Variants in C12orf42 observed in about 807,000 individuals in gnomAD.
The protein encoded by C12orf42 is uncharacterized protein C12orf42.
C12orf42 carries 25 observed loss-of-function variants against 21.6 expected under a neutral mutation model. The ratio of observed to expected loss-of-function variants is 1.16; its 90% CI spans 0.84 to 1.62. The LOEUF is 1.62. Among genes scored for constraint, C12orf42 ranks in the 40% most tolerant of loss-of-function variants. The pLI is 0.00. For missense variants in C12orf42, 483 were observed against 459.3 expected (o/e 1.05, Z -0.47); for synonymous variants, 174 against 175.0 (o/e 0.99, Z 0.05).
chr12:103,314,751 C>T (rs73385693), intron 4 of C12orf42, among the ~76,000 whole-genome samples: 1,572 of 152,248 alleles, frequency 0.01, 22 homozygotes, highest in African/African-American at 0.032. Context: ...GGGAATCTTT[C>T]CCACTCCAGC....
At chr12:103,411,112 T>C (rs1283359266) in intron 2 of C12orf42, among the ~76,000 whole-genome samples, 1 of 152,200 alleles carries the variant, frequency 6.6e-6, no homozygotes, top group Admixed American at 6.5e-5. Flanking sequence ...GTTTCCATCC[T>C]CCCTTGTCCA....
intron 4 of C12orf42, among the ~76,000 whole-genome samples, chr12:103,347,258 T>C (rs2042708013): frequency 6.9e-6 from 1 of 144,740 alleles, no homozygotes; most frequent in South Asian, 2.4e-4. Context: ...CCTGTGTCCA[T>C]GTGTTCTCAT....
intron 4 of C12orf42, among the ~76,000 whole-genome samples, chr12:103,353,280 C>T (rs2043252179): frequency 6.8e-6 from 1 of 146,690 alleles, no homozygotes; most frequent in Admixed American, 6.8e-5. Flanking sequence ...TCATGGAGTT[C>T]CACTGGATTA....
intron 4 of C12orf42, among the ~76,000 whole-genome samples, chr12:103,354,303 C>T (rs1046200291): frequency 1.3e-4 from 20 of 152,114 alleles, no homozygotes; most frequent in African/African-American, 2.4e-4. Context: ...GGGAGAATTA[C>T]GGCTTCCAAG....
the C12orf42 span, among the ~76,000 whole-genome samples, chr12:103,509,021 G>T: frequency 1.4e-4 from 22 of 152,244 alleles, no homozygotes; most frequent in African/African-American, 5.3e-4. Context: ...TATACAAGAG[G>T]CAAACTGAGG....
At chr12:103,238,289 T>C (rs2033552017) in intron 10 of C12orf42, among the ~76,000 whole-genome samples, 1 of 152,106 alleles carries the variant, frequency 6.6e-6, no homozygotes, top group South Asian at 2.1e-4. Context: ...AGCTGAATAG[T>C]TGCAACACAG....
At chr12:103,283,982 G>A (rs1269808877) in intron 4 of C12orf42, among the ~76,000 whole-genome samples, 1 of 152,138 alleles carries the variant, frequency 6.6e-6, no homozygotes, top group Non-Finnish European at 1.5e-5. Context: ...TAGCATGAAA[G>A]CACTCTGTCA....
chr12:103,135,446 G>C, the C12orf42 span, among the ~76,000 whole-genome samples: 1 of 143,112 alleles, frequency 7.0e-6, no homozygotes, highest in Non-Finnish European at 1.5e-5. Context: ...AACAGAGTGA[G>C]ACACTATCTC....
chr12:103,537,308 T>C, the C12orf42 span, among the ~76,000 whole-genome samples: 3 of 150,946 alleles, frequency 2.0e-5, no homozygotes, highest in Non-Finnish European at 4.4e-5. Flanking sequence ...GCAAATCAGA[T>C]AGTTTGCGTT....
intron 4 of C12orf42, among the ~76,000 whole-genome samples, chr12:103,364,016 A>T (rs1162176557): frequency 6.6e-6 from 1 of 152,162 alleles, no homozygotes; most frequent in African/African-American, 2.4e-5. Flanking sequence ...TTTACAGAAC[A>T]TTCTACCCAA....
At chr12:103,281,931 G>GAAAGAAAGAAAC (rs1239571185) in intron 4 of C12orf42, among the ~76,000 whole-genome samples, 31 of 148,718 alleles carry the variant, frequency 2.1e-4, no homozygotes, top group Non-Finnish European at 3.3e-4. Flanking sequence ...AAGAAAGAAA[G>GAAAGAAAGAAAC]AAAGAAAGAA....
chr12:103,528,314 C>T, the C12orf42 span, among the ~76,000 whole-genome samples: 2 of 152,212 alleles, frequency 1.3e-5, no homozygotes, highest in African/African-American at 4.8e-5. Flanking sequence ...ATATAGCTTA[C>T]AAGTAGTACT....
the C12orf42 span, among the ~76,000 whole-genome samples, chr12:103,084,630 T>C: frequency 3.9e-5 from 6 of 152,220 alleles, no homozygotes; most frequent in African/African-American, 1.4e-4. Context: ...ATTCAGAATG[T>C]ATACCTAGTT....
the C12orf42 span, among the ~76,000 whole-genome samples, chr12:103,190,339 G>A: frequency 6.6e-6 from 1 of 152,090 alleles, no homozygotes; most frequent in Non-Finnish European, 1.5e-5. Flanking sequence ...TGATTGGATG[G>A]TGCCTACTCA....
the C12orf42 span, among the ~76,000 whole-genome samples, chr12:103,222,116 T>TC: frequency 2.6e-5 from 4 of 152,324 alleles, no homozygotes; most frequent in African/African-American, 7.2e-5. Context: ...ACCATGTTTT[T>TC]CATGCGCGTC....
At chr12:103,128,623 CA>C in the C12orf42 span, among the ~76,000 whole-genome samples, 2 of 152,134 alleles carry the variant, frequency 1.3e-5, no homozygotes, top group Non-Finnish European at 2.9e-5. Flanking sequence ...ATGGGAACAA[CA>C]GTACCTTGCA....
chr12:103,181,888 G>A, the C12orf42 span, among the ~76,000 whole-genome samples: 1 of 152,186 alleles, frequency 6.6e-6, no homozygotes, highest in East Asian at 1.9e-4. Flanking sequence ...CTGACTTTGG[G>A]AAATGCCGTA....
the C12orf42 span, among the ~76,000 whole-genome samples, chr12:103,171,349 T>C: frequency 1.8e-3 from 272 of 152,278 alleles, 2 homozygotes; most frequent in African/African-American, 6.1e-3. Context: ...GTCTGCCTTG[T>C]TCACTAAGAG....
chr12:103,477,018 A>G (rs1033578330), intron 2 of C12orf42: 1 of 152,184 alleles, frequency 6.6e-6, no homozygotes, highest in Admixed American at 6.5e-5. Context: ...TGAAAAAAAA[A>G]TGTGATGTTA....
Sources: gnomAD v4.1 joint callset for allele counts (sites outside exome capture counted in the v4.1 genomes callset) on GRCh38, gnomAD v4.1.1 for gene constraint, MANE v1.5 for transcripts, NCBI Gene and HGNC (gene_info 2026-07-23, HGNC 2026-07-21) for gene names.